Variants in SCIN observed in about 807,000 individuals in gnomAD.
SCIN encodes scinderin.
SCIN carries 91 observed loss-of-function variants against 91.8 expected under a neutral mutation model. The observed-to-expected ratio is 0.99, with a 90% CI of 0.84 to 1.18. The LOEUF (loss-of-function observed/expected upper bound fraction) is 1.18. Among genes scored for constraint, SCIN ranks in the 50% most tolerant of loss-of-function variants. SCIN has a pLI of 0.00. For missense variants in SCIN, 1,087 were observed against 863.9 expected (o/e 1.26, Z -3.24); for synonymous variants, 367 against 312.6 (o/e 1.17, Z -1.84).
At chr7:12,575,992 A>T (rs1245830101) in intron 1 of SCIN, among the ~76,000 whole-genome samples, 1 of 152,152 alleles carries the variant, frequency 6.6e-6, no homozygotes, top group Non-Finnish European at 1.5e-5. Context: ...TGATAGGATA[A>T]TTTAATTAAC....
At chr7:12,623,092 A>C (rs1426409289) in intron 5 of SCIN, among the ~76,000 whole-genome samples, 199 bp downstream of exon 5, 4 of 152,040 alleles carry the variant, frequency 2.6e-5, no homozygotes, top group African/African-American at 4.8e-5. Context: ...TTTTATGAAA[A>C]ACAACAAATA....
intron 10 of SCIN, among the ~76,000 whole-genome samples, chr7:12,637,650 A>G (rs948561343): frequency 6.6e-6 from 1 of 151,918 alleles, no homozygotes; most frequent in African/African-American, 2.4e-5. Context: ...GAGAAGAGGA[A>G]GGGCAAGGGA....
At chr7:12,575,113 G>A (rs995674666) in intron 1 of SCIN, among the ~76,000 whole-genome samples, 19 of 152,024 alleles carry the variant, frequency 1.2e-4, no homozygotes, top group African/African-American at 2.4e-4. Flanking sequence ...ATAGCATTGC[G>A]CCTTTAATTT....
intron 4 of SCIN, 35 bp downstream of exon 4, chr7:12,604,698 C>G: frequency 1.3e-6 from 2 of 1,515,902 alleles, no homozygotes; most frequent in Non-Finnish European, 8.8e-7. Flanking sequence ...AAAGGGTTAC[C>G]ACTCCAACTC....
chr7:12,632,139 A>AATTTTATTTTATT (rs1382455167), intron 9 of SCIN, among the ~76,000 whole-genome samples: 76 of 139,636 alleles, frequency 5.4e-4, no homozygotes, highest in African/African-American at 2.2e-3. Flanking sequence ...ATTTTATTTT[A>AATTTTATTTTATT]TTTTATTTTA....
chr7:12,609,552 A>G (rs1783149439), intron 4 of SCIN, among the ~76,000 whole-genome samples: 1 of 152,110 alleles, frequency 6.6e-6, no homozygotes, highest in East Asian at 1.9e-4. Flanking sequence ...GGAAAAAAAT[A>G]CTATGTTTTT....
At chr7:12,609,653 T>C (rs1783152003) in intron 4 of SCIN, among the ~76,000 whole-genome samples, 1 of 152,082 alleles carries the variant, frequency 6.6e-6, no homozygotes, top group Non-Finnish European at 1.5e-5. Flanking sequence ...CAACAACAAT[T>C]TTTTTTATTC....
At chr7:12,582,330 G>C (rs1338606806) in intron 3 of SCIN, among the ~76,000 whole-genome samples, 1 of 152,174 alleles carries the variant, frequency 6.6e-6, no homozygotes, top group African/African-American at 2.4e-5. Flanking sequence ...TCTGAAAATA[G>C]AGTTACAAAG....
intron 4 of SCIN, among the ~76,000 whole-genome samples, chr7:12,618,833 AC>A (rs1783349991): frequency 6.6e-6 from 1 of 152,176 alleles, no homozygotes; most frequent in African/African-American, 2.4e-5. Context: ...CATTCTTGGA[AC>A]CTGTGAGCTG....
chr7:12,596,434 C>T (rs1349152887), intron 3 of SCIN: 1 of 455,718 alleles, frequency 2.2e-6, no homozygotes, highest in South Asian at 1.6e-5. Flanking sequence ...CAGGTGTGAA[C>T]CTTCAGGAAA....
intron 1 of SCIN, chr7:12,577,728 C>T: frequency 2.5e-6 from 1 of 402,296 alleles, no homozygotes; most frequent in South Asian, 2.0e-5. Flanking sequence ...TGGTGGCACG[C>T]ACCTGTAGTC....
intron 11 of SCIN, among the ~76,000 whole-genome samples, chr7:12,641,103 C>T (rs1267644244): frequency 1.3e-5 from 2 of 152,142 alleles, no homozygotes; most frequent in East Asian, 3.9e-4. Context: ...ATCCTGTCAC[C>T]CCAGTCACCA....
In SCIN at chr7:12,640,380, C is replaced by A. The variant is rs1439137867; in HGVS notation, c.1444C>A (p.Leu482Ile). The change falls in exon 11 of 16, where the codon CTA (leucine) becomes ATA (isoleucine). Residue 482 changes from leucine to isoleucine, a missense_variant. Transcript: ENST00000297029. ...CTCCCAAGGCAAAGAGCCTGTTCAC[C>A]TACTGAGTTTGTTCAAAGACAAACC... The part of the protein sequence containing the change: ...RVSQGKEPVH[L>I]LSLFKDKPLI... 1.9e-6 allele frequency: 3 copies of A among 1,610,642 alleles called. No individual in the cohort carries two copies. The highest frequency in any genetic ancestry group is 2.5e-6 in the Non-Finnish European group (3 of 1,178,454).
chr7:12,571,609 G>C (rs1583267603), intron 1 of SCIN: 1 of 468,184 alleles, frequency 2.1e-6, no homozygotes, highest in Non-Finnish European at 4.4e-6. Flanking sequence ...TTCGGAAGCT[G>C]GCGTCCTCAG....
intron 9 of SCIN, among the ~76,000 whole-genome samples, chr7:12,632,472 G>C (rs1456834124): frequency 2.0e-5 from 3 of 152,098 alleles, no homozygotes; most frequent in African/African-American, 7.2e-5. Flanking sequence ...GACATGTACA[G>C]AATGGATTGG....
intron 9 of SCIN, among the ~76,000 whole-genome samples, chr7:12,631,306 C>A (rs568377362): frequency 6.6e-6 from 1 of 152,054 alleles, no homozygotes; most frequent in Non-Finnish European, 1.5e-5. Context: ...GGAGCTTATA[C>A]GTAATGAGAA....
At chr7:12,631,800 T>C (rs1378297109) in intron 9 of SCIN, among the ~76,000 whole-genome samples, 2 of 152,072 alleles carry the variant, frequency 1.3e-5, no homozygotes, top group Admixed American at 1.3e-4. Context: ...CAACAGAAAA[T>C]GAACTAAGAC....
chr7:12,607,893 A>G (rs918837908), intron 4 of SCIN, among the ~76,000 whole-genome samples: 4 of 152,232 alleles, frequency 2.6e-5, no homozygotes, highest in Admixed American at 2.6e-4. Flanking sequence ...CAAAAAGCCC[A>G]TGAACTTGGT....
chr7:12,610,478 T>C (rs143098310), intron 4 of SCIN, among the ~76,000 whole-genome samples: 2,460 of 152,354 alleles, frequency 0.016, 24 homozygotes, highest in Middle Eastern at 0.027. Context: ...ACTGCCTTTA[T>C]ATTTGTGTAG....
Sources: gnomAD v4.1 joint callset for allele counts (sites outside exome capture counted in the v4.1 genomes callset) on GRCh38, gnomAD v4.1.1 for gene constraint, MANE v1.5 for transcripts, NCBI Gene and HGNC (gene_info 2026-07-23, HGNC 2026-07-21) for gene names.